SLC30A6: variants seen among roughly 807,000 people sequenced by gnomAD.
SLC30A6 encodes solute carrier family 30 member 6.
A neutral mutation model predicts 63.0 loss-of-function variants in SLC30A6; 55 were observed. That is an observed-to-expected ratio of 0.87 (90% CI 0.70 to 1.09). The LOEUF (loss-of-function observed/expected upper bound fraction) is 1.09. Ranked by LOEUF, SLC30A6 falls within the 50% of genes least tolerant of loss-of-function variation. The pLI, the probability that SLC30A6 is intolerant of heterozygous loss-of-function variation, is 0.00. For missense variants in SLC30A6, 587 were observed against 549.2 expected, an observed-to-expected ratio of 1.07 and a Z score of -0.69; for synonymous variants, 224 against 186.1, an observed-to-expected ratio of 1.20 and a Z score of -1.66.
intron 13 of SLC30A6, among the ~76,000 whole-genome samples, chr2:32,216,363 C>T (rs1685701875): frequency 6.6e-6 from 1 of 152,004 alleles, no homozygotes; most frequent in Admixed American, 6.6e-5. Flanking sequence ...TAGCGAAATC[C>T]TATCTCTACT....
intron 10 of SLC30A6, 99 bp downstream of exon 10, chr2:32,197,925 C>T (rs1196834186): frequency 1.9e-5 from 26 of 1,403,716 alleles, no homozygotes; most frequent in East Asian, 6.9e-5. Context: ...CTAGCAGTTT[C>T]GCTTATGTCC....
intron 2 of SLC30A6, 150 bp from the exon 3 acceptor site, chr2:32,173,913 A>G (rs1251384139): frequency 5.8e-6 from 3 of 517,878 alleles, no homozygotes; most frequent in African/African-American, 1.9e-5. Context: ...GCCGATGACA[A>G]TTTTGGTAGA....
chr2:32,218,044 C>G (rs1685856838), intron 13 of SLC30A6, among the ~76,000 whole-genome samples: 1 of 151,936 alleles, frequency 6.6e-6, no homozygotes, highest in Non-Finnish European at 1.5e-5. Context: ...GGGGTTTCAC[C>G]ATGTTGCTCA....
At chr2:32,204,519 T>A (rs1684571075) in intron 10 of SLC30A6, 71 bp from the exon 11 acceptor site, 1 of 980,216 alleles carries the variant, frequency 1.0e-6, no homozygotes, top group African/African-American at 1.6e-5. Flanking sequence ...ATAATTAATG[T>A]TCAGGAGATT....
At chr2:32,168,326 TTTTTAAAATAAATA>T (rs1341885818) in intron 1 of SLC30A6, among the ~76,000 whole-genome samples, 1 of 151,398 alleles carries the variant, frequency 6.6e-6, no homozygotes, top group East Asian at 1.9e-4. Flanking sequence ...TAAGGTTTAT[TTTTTAAAATAAATA>T]TTTTAAAATA....
intron 2 of SLC30A6, among the ~76,000 whole-genome samples, chr2:32,171,676 C>T (rs548716157): frequency 1.4e-5 from 2 of 146,454 alleles, no homozygotes; most frequent in African/African-American, 2.5e-5. Context: ...CAGTCTAAAG[C>T]CATGTTTTCT....
intron 2 of SLC30A6, among the ~76,000 whole-genome samples, chr2:32,173,497 C>T (rs796506090): frequency 3.3e-5 from 5 of 152,164 alleles, no homozygotes; most frequent in African/African-American, 1.2e-4. Flanking sequence ...CCTCAGCCTC[C>T]CAAGTAGCTG....
rs1380257997 is a variant in SLC30A6, at chr2:32,184,475, AATAG to A, written c.284+142_284+145del. 2.6e-5 allele frequency: 12 copies of A among 454,066 alleles called. No homozygotes were observed. In the South Asian group the frequency reaches 3.6e-4, roughly 14 times the overall value. The allele number at this position is 454,066 out of a possible 1,614,324, so 28.1% of individuals were successfully genotyped here. A position where few individuals can be genotyped will look rare whatever the true frequency, so the allele number is the denominator to read the frequency against. ...AGTGAAATGATGATCAGATAGTGAAAATAGATAGGCTGGGCACAGTGGCTCACGC... is the reference window on the plus strand; with the variant it reads ...AGTGAAATGATGATCAGATAGTGAAAATAGGCTGGGCACAGTGGCTCACGC... On this transcript the variant is annotated intron_variant, in intron 5 of 13. Transcript: ENST00000282587.
chr2:32,174,441 C>T (rs1681527705), intron 3 of SLC30A6, among the ~76,000 whole-genome samples: 1 of 152,142 alleles, frequency 6.6e-6, no homozygotes, highest in Non-Finnish European at 1.5e-5. Context: ...GATCTACCCA[C>T]CTTGGCCTCC....
chr2:32,221,300 C>T lies in SLC30A6; in HGVS notation c.*587C>T, dbSNP rs1435652700. On this transcript the variant is annotated 3_prime_UTR_variant, in exon 14 of 14. Coordinates refer to ENST00000282587, the MANE Select transcript of SLC30A6 (RefSeq NM_017964.5). ...TCAGCCTCCCGAGTAGCTGGGATTA[C>T]AGGCACCTGCCACCACGCCCAGCTA... The T allele has an allele frequency of 3.9e-5, 6 of 153,840 alleles. No homozygotes were observed. Among genetic ancestry groups the T allele is most frequent in the Admixed American group, 1.3e-4 (2 of 15,396 alleles). The allele number at this position is 153,840 out of a possible 1,614,324, so 9.5% of individuals were successfully genotyped here.
chr2:32,175,574 A>G (rs771114619), intron 4 of SLC30A6, among the ~76,000 whole-genome samples: 81 of 152,322 alleles, frequency 5.3e-4, no homozygotes, highest in African/African-American at 1.9e-3. Context: ...TATGGAGAGA[A>G]AAAGTAGATT....
chr2:32,174,232 ATAT>A lies in SLC30A6; in HGVS notation c.175+90_175+92del, dbSNP rs1681501353. 7 of 969,724 alleles carry A rather than the reference ATAT, an allele frequency of 7.2e-6. No individual in the cohort carries two copies. In the East Asian group the frequency reaches 1.0e-4, roughly 14 times the overall value. The allele number at this position is 969,724 out of a possible 1,614,324, so 60.1% of individuals were successfully genotyped here. ...AATAAAGGTATATCTTACATAGAAT[ATAT>A]TATTCTGAAATGTATATAACTCAAA... On this transcript the variant is annotated intron_variant, in intron 3 of 13. Transcript: ENST00000282587.
intron 4 of SLC30A6, among the ~76,000 whole-genome samples, chr2:32,183,836 A>G (rs185583131): frequency 5.9e-5 from 9 of 152,298 alleles, no homozygotes; most frequent in Admixed American, 4.6e-4. Context: ...ACATAATTTT[A>G]TCTCACTCAA....
At chr2:32,209,969 T>C (rs903283808) in intron 13 of SLC30A6, among the ~76,000 whole-genome samples, 3 of 152,242 alleles carry the variant, frequency 2.0e-5, no homozygotes, top group African/African-American at 7.2e-5. Context: ...TTTTTAACTG[T>C]AGTTCTCATT....
At chr2:32,185,660 A>G (rs1682736060) in intron 5 of SLC30A6, among the ~76,000 whole-genome samples, 1 of 152,108 alleles carries the variant, frequency 6.6e-6, no homozygotes, top group Non-Finnish European at 1.5e-5. Flanking sequence ...TTTTAATGCA[A>G]AATAAGGATT....
intron 9 of SLC30A6, 111 bp from the exon 10 acceptor site, chr2:32,197,596 C>T (rs1471685420): frequency 1.4e-6 from 2 of 1,478,978 alleles, no homozygotes; most frequent in Middle Eastern, 3.6e-4. Flanking sequence ...TCTTTGCTTT[C>T]TTTAAGAAGT....
At chr2:32,217,832 T>A (rs1443506417) in intron 13 of SLC30A6, among the ~76,000 whole-genome samples, 2 of 151,364 alleles carry the variant, frequency 1.3e-5, no homozygotes, top group East Asian at 3.9e-4. Flanking sequence ...ATATTGTAAA[T>A]GGGATTGAAT....
At chr2:32,192,978 AT>A in intron 7 of SLC30A6, 25 bp downstream of exon 7, 1 of 1,404,080 alleles carries the variant, frequency 7.1e-7, no homozygotes, top group Non-Finnish European at 9.8e-7. Flanking sequence ...TCAATATATA[AT>A]TTACTATTGA....
intron 10 of SLC30A6, chr2:32,203,005 T>A (rs1684427857): frequency 8.6e-7 from 1 of 1,160,950 alleles, no homozygotes. Flanking sequence ...CAGAGGAGTG[T>A]AACTGAAATA....
Sources: allele counts gnomAD v4.1 joint callset (sites outside exome capture counted in the v4.1 genomes callset), GRCh38; gene constraint gnomAD v4.1.1; transcripts MANE v1.5; gene names NCBI Gene and HGNC (gene_info 2026-07-23, HGNC 2026-07-21).